Variants in QSER1 observed in about 807,000 individuals in gnomAD.
QSER1 encodes glutamine and serine-rich protein 1.
In QSER1, 49 loss-of-function variants were observed where a neutral mutation model predicts 158.5. That is an observed-to-expected ratio of 0.31 (90% confidence interval 0.25 to 0.39). QSER1 has a LOEUF of 0.39. Among genes scored for constraint, QSER1 ranks in the 10% least tolerant of loss-of-function variants. The pLI is 1.00. For synonymous variants in QSER1, 650 were observed against 715.5 expected, an observed-to-expected ratio of 0.91 and a Z score of 1.46; for missense variants, 1,754 against 2,010.3, an observed-to-expected ratio of 0.87 and a Z score of 2.44.
intron 10 of QSER1, 90 bp from the exon 11 acceptor site, chr11:32,973,307 G>A (rs910209409): frequency 1.1e-5 from 15 of 1,368,982 alleles, no homozygotes; most frequent in Non-Finnish European, 7.2e-6. Context: ...AGGTGTTTGT[G>A]TGCACACACA....
At position 32,934,713 on chromosome 11, in the gene QSER1, G is replaced by A. The variant is rs375184845; in HGVS notation, c.3455G>A (p.Ser1152Asn). The change falls in exon 4 of 13, where the codon AGT (serine) becomes AAT (asparagine). Residue 1152 changes from serine (S) to asparagine (N), a missense_variant. Around this residue, in one of 2 missense-constraint regions of QSER1, gnomAD observed 1,707 missense variants for 1,919.6 expected, o/e 0.89. Coordinates refer to ENST00000650167, the MANE Select transcript of QSER1 (RefSeq NM_001076786.3). ...AGTGGAGAGAATGCTACATCAGAGA[G>A]TGAATTTACCTTAGGGGGTGACGAC... The part of the protein sequence containing the change: ...SISGENATSE[S>N]EFTLGGDDSG... 122 of 1,613,668 alleles carry A rather than the reference G, an allele frequency of 7.6e-5. No homozygotes were observed. Among genetic ancestry groups the A allele is most frequent in the Non-Finnish European group, 1.0e-4 (118 of 1,179,886 alleles).
In QSER1 at chr11:32,893,933, T is replaced by C. The variant is rs1851520720; in HGVS notation, c.209+599T>C. Among the ~76,000 whole-genome samples, 1 of 152,228 alleles carries C rather than the reference T, an allele frequency of 6.6e-6. No individual in the cohort carries two copies. The highest frequency in any genetic ancestry group is 6.5e-5 in the Admixed American group (1 of 15,286). ...AGGGCCGGGTGACATATGTTTGCGC[T>C]GGTGGCCAAGATTTAGGCGATTTTT... On this transcript the variant is annotated intron_variant, in intron 1 of 12. Coordinates refer to ENST00000650167, the MANE Select transcript of QSER1 (RefSeq NM_001076786.3). The surrounding 1 kb of genome is among the most constrained non-coding windows in gnomAD (Gnocchi z 4.7).
chr11:32,962,447 TC>T (rs1246014284), intron 8 of QSER1, among the ~76,000 whole-genome samples: 4 of 152,220 alleles, frequency 2.6e-5, no homozygotes, highest in African/African-American at 9.6e-5. Flanking sequence ...TGAAAATGTT[TC>T]CTCCCATTTT....
intron 4 of QSER1, 150 bp downstream of exon 4, chr11:32,935,585 T>A (rs191139555): frequency 0.016 from 9,239 of 589,256 alleles, 155 homozygotes; most frequent in Non-Finnish European, 0.021. Flanking sequence ...ACTTATTTTT[T>A]AAATTTTTCT....
intron 10 of QSER1, among the ~76,000 whole-genome samples, chr11:32,972,974 T>C (rs1280097421): frequency 1.3e-5 from 2 of 152,112 alleles, no homozygotes; most frequent in African/African-American, 4.8e-5. Flanking sequence ...GGGCAAGCAG[T>C]GGTTTAAGTG....
chr11:32,916,654 G>A (rs1851834387), intron 1 of QSER1, among the ~76,000 whole-genome samples: 1 of 152,164 alleles, frequency 6.6e-6, no homozygotes, highest in African/African-American at 2.4e-5. Context: ...CTAGGCAGTT[G>A]TAACACAATG....
intron 8 of QSER1, among the ~76,000 whole-genome samples, chr11:32,965,682 C>T (rs897701086): frequency 2.0e-5 from 3 of 152,040 alleles, no homozygotes; most frequent in Non-Finnish European, 4.4e-5. Flanking sequence ...CGTGGTGGCT[C>T]ACGCCTGTAA....
intron 1 of QSER1, among the ~76,000 whole-genome samples, chr11:32,906,377 G>A (rs976559313): frequency 6.6e-5 from 10 of 152,100 alleles, no homozygotes; most frequent in African/African-American, 1.2e-4. Flanking sequence ...AGCCGAGATC[G>A]GCGCCACTGC....
intron 1 of QSER1, among the ~76,000 whole-genome samples, chr11:32,919,696 G>A (rs970000121): frequency 6.6e-6 from 1 of 152,176 alleles, no homozygotes; most frequent in African/African-American, 2.4e-5. Flanking sequence ...GTCCACACCT[G>A]AGTGGGGAGT....
intron 1 of QSER1, among the ~76,000 whole-genome samples, chr11:32,923,971 A>T (rs567889409): frequency 5.3e-5 from 8 of 152,278 alleles, no homozygotes; most frequent in Admixed American, 6.5e-5. Context: ...CATCTCATTT[A>T]AAAAAGCCCT....
chr11:32,933,272 A>G lies in QSER1; in HGVS notation c.2014A>G (p.Lys672Glu), dbSNP rs778444666. The G allele has an allele frequency of 1.4e-5, 23 of 1,612,084 alleles. No homozygotes were observed. Among genetic ancestry groups the G allele is most frequent in the Non-Finnish European group, 1.9e-5 (23 of 1,179,504 alleles). Reference protein sequence around the residue: ...LQNNITSPDPKSYAERKLDSD... With the variant: ...LQNNITSPDPESYAERKLDSD... ...AAATAACATAACTTCCCCTGACCCA[A>G]AGTCTTATGCTGAAAGAAAGCTTGA... Residue 672 changes from lysine (K) to glutamate (E), a missense_variant, in exon 4 of 13, where the codon AAG becomes GAG. Around this residue, in one of 2 missense-constraint regions of QSER1, gnomAD observed 1,707 missense variants for 1,919.6 expected, o/e 0.89. Transcript: ENST00000650167.
At chr11:32,943,242 T>C (rs1432883489) in intron 4 of QSER1, among the ~76,000 whole-genome samples, 10 of 151,624 alleles carry the variant, frequency 6.6e-5, no homozygotes, top group Non-Finnish European at 1.3e-4. Context: ...TCCTGCCTAA[T>C]TGCCCTGGCC....
chr11:32,950,207 G>T (rs1852400078), intron 4 of QSER1, among the ~76,000 whole-genome samples: 1 of 151,966 alleles, frequency 6.6e-6, no homozygotes, highest in Non-Finnish European at 1.5e-5. Context: ...CGATTCTCCT[G>T]CCTCAGCCTC....
At chr11:32,959,561 T>G (rs540200607) in intron 8 of QSER1, among the ~76,000 whole-genome samples, 1 of 152,198 alleles carries the variant, frequency 6.6e-6, no homozygotes, top group African/African-American at 2.4e-5. Flanking sequence ...GAGGGGACAG[T>G]TTTGAGATAT....
Position 32,932,460 on chromosome 11 carries a change from G to A in QSER1, c.1202G>A (p.Gly401Glu), listed in dbSNP as rs1378228117. The A allele has an allele frequency of 1.9e-6, 3 of 1,613,248 alleles. No individual in the cohort carries two copies. Among genetic ancestry groups the A allele is most frequent in the Non-Finnish European group, 2.5e-6 (3 of 1,179,978 alleles). ...QSYSSAIPSS[G>E]YPPSTTKIKS... ...TACTCATCTGCGATTCCATCATCAG[G>A]GTATCCTCCTTCTACTACAAAAATA... The change falls in exon 4 of 13, where the codon GGG (glycine) becomes GAG (glutamate). Residue 401 changes from glycine to glutamate, a missense_variant. Transcript: ENST00000650167.
chr11:32,932,496 C>T lies in QSER1; in HGVS notation c.1238C>T (p.Ser413Phe). 4.3e-6 allele frequency: 7 copies of T among 1,613,982 alleles called. No homozygotes were observed. Among genetic ancestry groups the T allele is most frequent in the Non-Finnish European group, 5.9e-6 (7 of 1,180,006 alleles). The change falls in exon 4 of 13, where the codon TCT becomes TTT. Residue 413 changes from serine (S) to phenylalanine (F), a missense_variant. Ser to Phe is a radical substitution (Grantham distance 155). This residue lies in a region of QSER1 where 1,707 missense variants were observed against 1,919.6 expected (regional missense o/e 0.89). Coordinates refer to ENST00000650167, the MANE Select transcript of QSER1 (RefSeq NM_001076786.3). ...PPSTTKIKSC[S>F]TEQPLTSTKT... is the part of the protein sequence containing the mutation. ...TCTACTACAAAAATAAAAAGCTGTT[C>T]TACAGAACAACCACTGACATCAACC...
Position 32,934,137 on chromosome 11 carries a change from G to GC in QSER1, c.2879_2880insC (p.Ser961IlefsTer11). 1 of 1,613,996 alleles carries GC rather than the reference G, an allele frequency of 6.2e-7. No homozygotes were observed. The highest frequency in any genetic ancestry group is 8.5e-7 in the Non-Finnish European group (1 of 1,179,986). On this transcript the variant is annotated frameshift_variant, in exon 4 of 13. Coordinates refer to ENST00000650167, the MANE Select transcript of QSER1 (RefSeq NM_001076786.3). LOFTEE classifies it high-confidence loss of function. Reference sequence around the variant, plus strand: ...TCAAAGAATCAGTTTGTTTCTCTTGGATCGATGTGTTTCCCAGAGGCAGTG... The same window carrying GC: ...TCAAAGAATCAGTTTGTTTCTCTTGGCATCGATGTGTTTCCCAGAGGCAGTG...
At chr11:32,921,164 A>G (rs774577804) in intron 1 of QSER1, among the ~76,000 whole-genome samples, 2 of 152,212 alleles carry the variant, frequency 1.3e-5, no homozygotes, top group African/African-American at 4.8e-5. Context: ...ATTCAGCCCT[A>G]AAAAGGAATG....
intron 3 of QSER1, among the ~76,000 whole-genome samples, chr11:32,928,612 TGTGCTTTTC>T (rs1407438085): frequency 6.6e-6 from 1 of 152,218 alleles, no homozygotes. Context: ...AGGTCTATAA[TGTGCTTTTC>T]TATTTCATTT....
Sources: allele counts gnomAD v4.1 joint callset (sites outside exome capture counted in the v4.1 genomes callset), GRCh38; gene constraint gnomAD v4.1.1; regional missense constraint gnomAD v4.1.1; non-coding constraint Gnocchi (gnomAD v3.1); transcripts MANE v1.5; gene names NCBI Gene and HGNC (gene_info 2026-07-23, HGNC 2026-07-21).